Variants in SMYD3 observed in about 807,000 individuals in gnomAD.
SMYD3 encodes histone-lysine N-methyltransferase SMYD3.
SMYD3 carries 36 observed loss-of-function variants against 57.7 expected under a neutral mutation model. That is an observed-to-expected ratio of 0.62 (90% CI 0.48 to 0.82). The LOEUF (loss-of-function observed/expected upper bound fraction) is 0.82, where lower values mean the gene tolerates loss of function less well. Ranked by LOEUF, SMYD3 falls within the 40% of genes least tolerant of loss-of-function variation. The pLI is 0.00. For missense variants in SMYD3, 515 were observed against 538.8 expected (o/e 0.96, Z 0.44); for synonymous variants, 211 against 195.0 (o/e 1.08, Z -0.68).
intron 5 of SMYD3, among the ~76,000 whole-genome samples, chr1:246,279,774 T>C (rs1286947515): frequency 2.0e-5 from 3 of 152,202 alleles, no homozygotes; most frequent in Non-Finnish European, 4.4e-5. Flanking sequence ...GGGACAGCCC[T>C]GCCTGTGACG....
chr1:246,335,549 G>C (rs2065529640), intron 2 of SMYD3, 75 bp from the exon 3 acceptor site: 2 of 1,156,808 alleles, frequency 1.7e-6, no homozygotes, highest in Admixed American at 3.6e-5. Flanking sequence ...TGAACATCAA[G>C]AGTCATAAAC....
chr1:245,864,672 C>T (rs558539952), intron 8 of SMYD3, among the ~76,000 whole-genome samples: 1 of 152,198 alleles, frequency 6.6e-6, no homozygotes, highest in African/African-American at 2.4e-5. Flanking sequence ...GATAAAAATG[C>T]TCTAAAATTG....
intron 8 of SMYD3, among the ~76,000 whole-genome samples, chr1:245,907,143 T>C (rs1416910254): frequency 6.6e-6 from 1 of 152,202 alleles, no homozygotes; most frequent in Non-Finnish European, 1.5e-5. Flanking sequence ...TAAGACCTAC[T>C]ATTTGATAGC....
intron 2 of SMYD3, among the ~76,000 whole-genome samples, chr1:246,342,817 G>A (rs566678913): frequency 2.0e-5 from 3 of 152,236 alleles, no homozygotes; most frequent in East Asian, 1.9e-4. Flanking sequence ...TGGGAATTAC[G>A]GTCTCCTGTT....
chr1:246,495,284 G>A (rs891188646), intron 1 of SMYD3, among the ~76,000 whole-genome samples: 9 of 142,014 alleles, frequency 6.3e-5, no homozygotes, highest in African/African-American at 2.4e-4. Context: ...GGGAGGCGGA[G>A]CTTGCTGTGA....
chr1:245,849,564 C>T (rs1221070164), intron 10 of SMYD3, among the ~76,000 whole-genome samples: 2 of 151,908 alleles, frequency 1.3e-5, no homozygotes, highest in Non-Finnish European at 2.9e-5. Flanking sequence ...TTGGGCCTCT[C>T]TAAGGTGGTA....
At chr1:246,063,525 T>TTCCTTCCCTTCC (rs1222609673) in intron 5 of SMYD3, among the ~76,000 whole-genome samples, 1 of 151,446 alleles carries the variant, frequency 6.6e-6, no homozygotes, top group Non-Finnish European at 1.5e-5. Context: ...GGGCCTGCCC[T>TTCCTTCCCTTCC]TCCTTCCTTT....
intron 5 of SMYD3, among the ~76,000 whole-genome samples, chr1:246,177,081 T>G (rs1265401420): frequency 6.6e-6 from 1 of 152,210 alleles, no homozygotes; most frequent in African/African-American, 2.4e-5. Context: ...TAAAGATCTA[T>G]GATTTTATTT....
At chr1:246,173,944 C>G (rs556109294) in intron 5 of SMYD3, among the ~76,000 whole-genome samples, 138 of 152,206 alleles carry the variant, frequency 9.1e-4, no homozygotes, top group South Asian at 2.9e-3. Flanking sequence ...GTACCCAGGA[C>G]TACAGGTGCG....
At chr1:246,223,179 C>T (rs2063281744) in intron 5 of SMYD3, among the ~76,000 whole-genome samples, 1 of 152,004 alleles carries the variant, frequency 6.6e-6, no homozygotes, top group African/African-American at 2.4e-5. Context: ...CTCCTGTACC[C>T]AGGGTGAGGA....
intron 10 of SMYD3, among the ~76,000 whole-genome samples, chr1:245,765,790 T>C (rs1409778076): frequency 6.6e-6 from 1 of 152,120 alleles, no homozygotes; most frequent in Non-Finnish European, 1.5e-5. Context: ...ATCACTAAGA[T>C]GACCTAGAAT....
chr1:246,106,569 T>C (rs2061126062), intron 5 of SMYD3, among the ~76,000 whole-genome samples: 1 of 152,168 alleles, frequency 6.6e-6, no homozygotes, highest in African/African-American at 2.4e-5. Flanking sequence ...GAGAAGACCA[T>C]TAACTTTCTG....
At chr1:246,109,933 T>C (rs1468965933) in intron 5 of SMYD3, 1 of 152,122 alleles carries the variant, frequency 6.6e-6, no homozygotes, top group Non-Finnish European at 1.5e-5. Flanking sequence ...GTCCCCATCA[T>C]GTGTTATAGG....
chr1:245,839,543 A>G (rs1241961511), intron 10 of SMYD3, among the ~76,000 whole-genome samples: 1 of 152,100 alleles, frequency 6.6e-6, no homozygotes, highest in African/African-American at 2.4e-5. Context: ...GGCGACAGTA[A>G]GAGAATGAGG....
rs139389533 is a variant in SMYD3, at chr1:246,258,320, C to A, written c.531+68881G>T. Among the ~76,000 whole-genome samples, 928 of 152,254 alleles carry A rather than the reference C, an allele frequency of 6.1e-3. 30 individuals are homozygous for A. The East Asian group carries it at 0.088, about 15-fold the overall frequency. On this transcript the variant is annotated intron_variant, in intron 5 of 11. Transcript: ENST00000490107. ...AAAGTGCTGGGATTACAGGAGTGAG[C>A]CACCATGCCTGGCCTCACGTATTTC...
chr1:246,373,212 T>C (rs1250129193), intron 1 of SMYD3, among the ~76,000 whole-genome samples: 2 of 152,190 alleles, frequency 1.3e-5, no homozygotes, highest in Admixed American at 1.3e-4. Context: ...TTCAGTTTTA[T>C]ATAACAAGAT....
Position 245,908,043 on chromosome 1 carries a change from G to A in SMYD3, c.813+7487C>T, listed in dbSNP as rs911693029. Among the ~76,000 whole-genome samples the A allele has an allele frequency of 2.0e-5, 3 of 152,194 alleles. No individual in the cohort carries two copies. The South Asian group carries it at 6.2e-4, about 32-fold the overall frequency. ...CCCAGCTACTCAGGAAGCTGAGGCC[G>A]GAGAATCCCTTGACCCAGGGAGTTG... On this transcript the variant is annotated intron_variant, in intron 8 of 11. Coordinates refer to ENST00000490107, the MANE Select transcript of SMYD3 (RefSeq NM_001167740.2).
chr1:246,246,845 C>CTATATA (rs10649022), intron 5 of SMYD3, among the ~76,000 whole-genome samples: 4,418 of 149,402 alleles, frequency 0.03, 105 homozygotes, highest in South Asian at 0.052. Context: ...TACATATATA[C>CTATATA]TATATATATA....
chr1:245,954,933 G>C (rs897326193), intron 5 of SMYD3, among the ~76,000 whole-genome samples: 1 of 149,658 alleles, frequency 6.7e-6, no homozygotes, highest in African/African-American at 2.5e-5. Context: ...AAGAGAAACA[G>C]GAGATCTACC....
Sources: gnomAD v4.1 joint callset for allele counts (sites outside exome capture counted in the v4.1 genomes callset) on GRCh38, gnomAD v4.1.1 for gene constraint, MANE v1.5 for transcripts, NCBI Gene and HGNC (gene_info 2026-07-23, HGNC 2026-07-21) for gene names.